The following TSGA10IP variants were observed in gnomAD, a reference collection of about 807,000 sequenced individuals.
The protein encoded by TSGA10IP is testis specific 10 interacting protein, also known as testis-specific protein 10-interacting protein.
A neutral mutation model predicts 63.2 loss-of-function variants in TSGA10IP; 64 were observed. The observed-to-expected ratio is 1.01, with a 90% CI of 0.83 to 1.25. TSGA10IP has a LOEUF of 1.25. Among genes scored for constraint, TSGA10IP ranks in the 50% most tolerant of loss-of-function variants. The pLI, the probability that TSGA10IP is intolerant of heterozygous loss-of-function variation, is 0.00. For missense variants in TSGA10IP, 681 were observed against 710.1 expected, an observed-to-expected ratio of 0.96 and a Z score of 0.47; for synonymous variants, 316 against 298.3, an observed-to-expected ratio of 1.06 and a Z score of -0.61.
chr11:65,947,656 T>A lies in TSGA10IP; in HGVS notation c.831T>A (p.Ile277=), dbSNP rs749103691. 4 of 1,611,636 alleles carry A rather than the reference T, an allele frequency of 2.5e-6. No homozygotes were observed. The South Asian group carries it at 4.4e-5, about 18-fold the overall frequency. Residue 277 remains isoleucine, a synonymous_variant, in exon 3 of 8, where the codon ATT becomes ATA. Coordinates refer to ENST00000532620, the Ensembl canonical transcript of TSGA10IP. ...CTGGTTGTCAGAGAAAGGGGCAGATTTCTGGAGAGGAAGCCTCCGATGAGG... is the reference window on the plus strand; with the variant it reads ...CTGGTTGTCAGAGAAAGGGGCAGATATCTGGAGAGGAAGCCTCCGATGAGG...
In TSGA10IP at chr11:65,945,824, T is replaced by C. The variant is rs929189629; in HGVS notation, c.147+2T>C. 3.7e-6 allele frequency: 6 copies of C among 1,613,094 alleles called. No homozygotes were observed. The highest frequency in any genetic ancestry group is 4.5e-5 in the East Asian group (2 of 44,846). On this transcript the variant is annotated splice_donor_variant, in intron 1 of 7. Coordinates refer to ENST00000532620, the Ensembl canonical transcript of TSGA10IP. LOFTEE classifies it high-confidence loss of function. ...TCGACCGTCTCTCAGGACAAGCAGGTGAGGGAGGCCCAGTGAGGACACTTC... is the reference window on the plus strand; with the variant it reads ...TCGACCGTCTCTCAGGACAAGCAGGCGAGGGAGGCCCAGTGAGGACACTTC...
At chr11:65,957,618 T>C (rs1468860774) in intron 5 of TSGA10IP, among the ~76,000 whole-genome samples, 1 of 152,226 alleles carries the variant, frequency 6.6e-6, no homozygotes, top group Non-Finnish European at 1.5e-5. Context: ...GAAGGATGGT[T>C]CCTTCCCTGG....
intron 6 of TSGA10IP, 69 bp from the exon 7 acceptor site, chr11:65,959,121 G>C (rs1855074378): frequency 1.9e-6 from 3 of 1,576,114 alleles, no homozygotes; most frequent in Non-Finnish European, 2.6e-6. Flanking sequence ...GACCCCCTCA[G>C]TAACCCGATC....
At chr11:65,954,830 A>C (rs975706701) in intron 5 of TSGA10IP, among the ~76,000 whole-genome samples, 2 of 151,876 alleles carry the variant, frequency 1.3e-5, no homozygotes, top group Non-Finnish European at 2.9e-5. Flanking sequence ...AAAAAAAAAA[A>C]AAAAGCCCAC....
chr11:65,947,857 C>T, intron 3 of TSGA10IP, 29 bp downstream of exon 3: 1 of 1,524,284 alleles, frequency 6.6e-7, no homozygotes. Context: ...GCCTGGATTC[C>T]CCCGAAGCTA....
chr11:65,953,635 G>A (rs753175238), exon 5 of TSGA10IP: 14 of 1,590,968 alleles, frequency 8.8e-6, no homozygotes, highest in Middle Eastern at 1.7e-4. Flanking sequence ...CGGCGGGCCC[G>A]GACACAGCAT....
rs185419633 is a variant in TSGA10IP, at chr11:65,948,744, C to T, written c.1151+596C>T. ...ATCCTAGCACTTTGGGAGGCCAAGG[C>T]GTGTGGATTGTCTGAGCTCAAGAGT... On this transcript the variant is annotated intron_variant, in intron 4 of 7. Transcript: ENST00000532620. Among the ~76,000 whole-genome samples the T allele has an allele frequency of 3.6e-3, 543 of 152,250 alleles. 2 individuals carry two copies. Among genetic ancestry groups the T allele is most frequent in the Non-Finnish European group, 6.4e-3 (436 of 68,030 alleles).
At chr11:65,948,052 A>T (rs767551590) in exon 4 of TSGA10IP, 3 of 1,576,604 alleles carry the variant, frequency 1.9e-6, no homozygotes, top group South Asian at 2.3e-5. Context: ...CAGGCCTCCA[A>T]GCGGAATGGA....
At chr11:65,949,773 T>G (rs527605125) in intron 4 of TSGA10IP, among the ~76,000 whole-genome samples, 10 of 151,992 alleles carry the variant, frequency 6.6e-5, no homozygotes, top group African/African-American at 2.4e-4. Flanking sequence ...GTATTTATGG[T>G]GTACAACATG....
chr11:65,953,022 C>A (rs1389777209), intron 4 of TSGA10IP, among the ~76,000 whole-genome samples: 1 of 144,806 alleles, frequency 6.9e-6, no homozygotes, highest in Non-Finnish European at 1.5e-5. Flanking sequence ...TTTCTTTTTT[C>A]TTTCTTTCTT....
chr11:65,956,702 G>C (rs532708), intron 5 of TSGA10IP, among the ~76,000 whole-genome samples: 3,852 of 152,018 alleles, frequency 0.025, 176 homozygotes, highest in African/African-American at 0.086. Context: ...TAATTTTTTT[G>C]TATTTTTGGT....
intron 5 of TSGA10IP, among the ~76,000 whole-genome samples, chr11:65,958,056 C>T (rs556967434): frequency 3.3e-5 from 5 of 152,286 alleles, no homozygotes; most frequent in Admixed American, 2.0e-4. Context: ...GAGGCTCAAG[C>T]GATCCTCCCA....
exon 3 of TSGA10IP, chr11:65,947,714 C>T: frequency 6.3e-7 from 1 of 1,596,324 alleles, no homozygotes; most frequent in African/African-American, 1.3e-5. Context: ...GGGGAGCAGC[C>T]CCAGCTTCAA....
chr11:65,958,958 C>T, exon 6 of TSGA10IP: 1 of 1,613,264 alleles, frequency 6.2e-7, no homozygotes, highest in Non-Finnish European at 8.5e-7. Flanking sequence ...AGGCCCGGCC[C>T]TTCCTGTTCC....
chr11:65,958,860 ACAAAGGCCTGTCT>A lies in TSGA10IP; in HGVS notation c.1323-21_1323-9del. 6.2e-7 allele frequency: 1 copy of A among 1,603,550 alleles called. No homozygotes were observed. The highest frequency in any genetic ancestry group is 8.5e-7 in the Non-Finnish European group (1 of 1,174,466). Reference sequence around the variant, plus strand: ...AACAGTTGTGTCCATGGTTAGCTGCACAAAGGCCTGTCTCCCCTGCAGGCGCCAGGAGCGACAG... The same window carrying A: ...AACAGTTGTGTCCATGGTTAGCTGCACCCCTGCAGGCGCCAGGAGCGACAG... On this transcript the variant is annotated splice_polypyrimidine_tract_variant and intron_variant, in intron 5 of 7. Coordinates refer to ENST00000532620, the Ensembl canonical transcript of TSGA10IP.
At chr11:65,950,429 G>C (rs1454753711) in intron 4 of TSGA10IP, among the ~76,000 whole-genome samples, 2 of 151,922 alleles carry the variant, frequency 1.3e-5, no homozygotes, top group Non-Finnish European at 2.9e-5. Flanking sequence ...GGGTCTTGCT[G>C]TGTTGCCCAG....
intron 4 of TSGA10IP, among the ~76,000 whole-genome samples, chr11:65,952,036 T>C (rs1162642128): frequency 6.6e-6 from 1 of 152,070 alleles, no homozygotes; most frequent in African/African-American, 2.4e-5. Flanking sequence ...ATTTTTTTAG[T>C]AGAGACAGGG....
rs183053972 is a variant in TSGA10IP at position 65,958,237 on chromosome 11, G to A, written c.1323-646G>A. Among the ~76,000 whole-genome samples, 40 of 152,264 alleles carry A rather than the reference G, an allele frequency of 2.6e-4. No individual in the cohort carries two copies. In the East Asian group the frequency reaches 6.6e-3, roughly 25 times the overall value. On this transcript the variant is annotated intron_variant, in intron 5 of 7. Coordinates refer to ENST00000532620, the Ensembl canonical transcript of TSGA10IP. ...TGGGATTACAGGTGCGAGCCACCAC[G>A]CCTGGCCAAATTGGGTTTTTATAAA...
intron 5 of TSGA10IP, among the ~76,000 whole-genome samples, chr11:65,957,009 G>A (rs1390702954): frequency 1.3e-5 from 2 of 152,222 alleles, no homozygotes; most frequent in Non-Finnish European, 2.9e-5. Context: ...CGCTGTCTGA[G>A]CGGAACAGGA....
Sources: gnomAD v4.1 joint callset for allele counts (sites outside exome capture counted in the v4.1 genomes callset) on GRCh38, gnomAD v4.1.1 for gene constraint, MANE v1.5 for transcripts, NCBI Gene and HGNC (gene_info 2026-07-23, HGNC 2026-07-21) for gene names.